ARFIP1: variants seen among roughly 807,000 people sequenced by gnomAD.
ARFIP1 encodes the protein ARF interacting protein 1, also known as arfaptin-1.
A neutral mutation model predicts 42.5 loss-of-function variants in ARFIP1; 24 were observed. That is an observed-to-expected ratio of 0.57 (90% CI 0.41 to 0.80). The LOEUF is 0.80. Ranked by LOEUF, ARFIP1 falls within the 30% of genes least tolerant of loss-of-function variation. ARFIP1 has a pLI of 0.00. For missense variants in ARFIP1, 354 were observed against 434.0 expected (o/e 0.82, Z 1.64); for synonymous variants, 141 against 153.7 (o/e 0.92, Z 0.61).
rs533299612 is a variant in ARFIP1 at position 152,820,248 on chromosome 4, G to A, written c.-9-9377G>A. On this transcript the variant is annotated intron_variant, in intron 1 of 8. Transcript: ENST00000353617. ...GCATTTACCCACCTGTCTTTGCTGC[G>A]GCCAGTTTTTACCCATGGGCACCTC... Among the ~76,000 whole-genome samples, 87 of 151,806 alleles carry A rather than the reference G, an allele frequency of 5.7e-4. 3 individuals are homozygous for A. The South Asian group carries it at 0.014, about 25-fold the overall frequency.
intron 1 of ARFIP1, among the ~76,000 whole-genome samples, chr4:152,794,025 T>G (rs375336439): frequency 1.3e-5 from 2 of 152,200 alleles, no homozygotes; most frequent in Non-Finnish European, 2.9e-5. Context: ...AAAAAACTTT[T>G]CATCTAATTT....
chr4:152,847,294 G>A (rs983875963), intron 2 of ARFIP1, among the ~76,000 whole-genome samples: 4 of 151,258 alleles, frequency 2.6e-5, no homozygotes, highest in African/African-American at 7.3e-5. Flanking sequence ...CACCACGCCC[G>A]GCTAATTTTT....
At chr4:152,878,793 TA>T (rs1735580130) in intron 5 of ARFIP1, among the ~76,000 whole-genome samples, 1 of 152,214 alleles carries the variant, frequency 6.6e-6, no homozygotes, top group African/African-American at 2.4e-5. Context: ...CTCACTGTGC[TA>T]AGAAACAATC....
At chr4:152,902,453 C>A (rs1480072992) in intron 8 of ARFIP1, among the ~76,000 whole-genome samples, 1 of 152,088 alleles carries the variant, frequency 6.6e-6, no homozygotes, top group African/African-American at 2.4e-5. Context: ...AGTGAGCTAT[C>A]ACTGTGTTGC....
At position 152,894,078 on chromosome 4, in the gene ARFIP1, C is replaced by T. The variant is rs142764905; in HGVS notation, c.966+5771C>T. ...ACTAAAAATACAAAAATTAGCCTAG[C>T]GTGCCCATAATTCCAGCTACTCCCA... On this transcript the variant is annotated intron_variant, in intron 8 of 8. Transcript: ENST00000353617. Among the ~76,000 whole-genome samples, 367 of 151,766 alleles carry T rather than the reference C, an allele frequency of 2.4e-3. 2 individuals carry two copies. Among genetic ancestry groups the T allele is most frequent in the African/African-American group, 8.3e-3 (343 of 41,400 alleles).
At chr4:152,780,975 AC>A (rs1730452262) in intron 1 of ARFIP1, among the ~76,000 whole-genome samples, 1 of 151,766 alleles carries the variant, frequency 6.6e-6, no homozygotes, top group African/African-American at 2.4e-5. Context: ...TCCTTTGGCC[AC>A]TCTTAGGATT....
rs1222645601 is a variant in ARFIP1 at position 152,853,928 on chromosome 4, T to TG, written c.94-9677dup. Among the ~76,000 whole-genome samples the TG allele has an allele frequency of 2.7e-3, 393 of 144,110 alleles. 1 individual carries two copies. The highest frequency in any genetic ancestry group is 9.1e-3 in the African/African-American group (354 of 38,812). 94.5% of individuals were successfully genotyped at this position (144,110 alleles called of 152,430 possible). A position where few individuals can be genotyped will look rare whatever the true frequency, so the allele number is the denominator to read the frequency against. On this transcript the variant is annotated intron_variant, in intron 2 of 8. Transcript: ENST00000353617. ...TTCTTTTTTTTTTTTTTTTTTTTTT[T>TG]GAGACTGAGTCTCACTCTATCACCC...
At chr4:152,807,349 A>G (rs1052173630) in intron 1 of ARFIP1, 1 of 152,198 alleles carries the variant, frequency 6.6e-6, no homozygotes, top group Non-Finnish European at 1.5e-5. Flanking sequence ...AAATTGCTAA[A>G]CAGTTGTCCA....
In ARFIP1 at chr4:152,791,718, A is replaced by C. The variant is rs1214329310; in HGVS notation, c.-10+11492A>C. ...ACCTCAGGGCTATTTTGGGACCTAC[A>C]AATAAGTATGACCACCAGCTGCTTC... On this transcript the variant is annotated intron_variant, in intron 1 of 8. Transcript: ENST00000353617. 3.3e-5 allele frequency among the ~76,000 whole-genome samples: 5 copies of C among 152,308 alleles called. No individual in the cohort carries two copies. In the South Asian group the frequency reaches 8.3e-4, roughly 25 times the overall value.
chr4:152,826,378 A>T (rs1207454153), intron 1 of ARFIP1, among the ~76,000 whole-genome samples: 2 of 152,150 alleles, frequency 1.3e-5, no homozygotes, highest in East Asian at 3.9e-4. Context: ...GAATCAAAAA[A>T]CCAGATACCA....
At chr4:152,866,024 C>T (rs991454162) in intron 3 of ARFIP1, among the ~76,000 whole-genome samples, 8 of 152,042 alleles carry the variant, frequency 5.3e-5, no homozygotes, top group Middle Eastern at 6.8e-3. Context: ...CGGCCTTCCG[C>T]AGTGTTTGTG....
At chr4:152,861,482 G>A (rs1256385994) in intron 2 of ARFIP1, among the ~76,000 whole-genome samples, 2 of 152,176 alleles carry the variant, frequency 1.3e-5, no homozygotes, top group African/African-American at 2.4e-5. Context: ...ATTAAGGGTT[G>A]CTTATACATT....
intron 8 of ARFIP1, among the ~76,000 whole-genome samples, chr4:152,904,091 G>T (rs944946391): frequency 2.7e-5 from 4 of 150,610 alleles, no homozygotes; most frequent in Admixed American, 1.3e-4. Flanking sequence ...ACACGTGCAG[G>T]ATGTGCAGGT....
At chr4:152,817,150 A>T (rs1729959367) in intron 1 of ARFIP1, among the ~76,000 whole-genome samples, 1 of 152,254 alleles carries the variant, frequency 6.6e-6, no homozygotes, top group Non-Finnish European at 1.5e-5. Flanking sequence ...GAAGTAGAAC[A>T]TAATAGCGTA....
In ARFIP1 at chr4:152,880,072, C is replaced by T. The variant is rs192368733; in HGVS notation, c.412-891C>T. Among the ~76,000 whole-genome samples the T allele has an allele frequency of 1.0e-3, 157 of 151,002 alleles. 1 individual carries two copies. The highest frequency in any genetic ancestry group is 7.8e-3 in the Admixed American group (118 of 15,184). On this transcript the variant is annotated intron_variant, in intron 5 of 8. Coordinates refer to ENST00000353617, the MANE Select transcript of ARFIP1 (RefSeq NM_001025595.3). ...TTACAGGTTTCTAGGCTGAGCACAA[C>T]GGCTCACGCCTGTAATCCCAGCACT...
At chr4:152,812,576 G>A (rs1729555507) in intron 1 of ARFIP1, among the ~76,000 whole-genome samples, 1 of 152,120 alleles carries the variant, frequency 6.6e-6, no homozygotes, top group African/African-American at 2.4e-5. Context: ...CATCCCTAAA[G>A]TGATGATTTC....
At chr4:152,889,654 GTATA>G (rs1410998248) in intron 8 of ARFIP1, among the ~76,000 whole-genome samples, 1 of 122,336 alleles carries the variant, frequency 8.2e-6, no homozygotes, top group Non-Finnish European at 1.6e-5. Flanking sequence ...ACTATATATA[GTATA>G]TATACACTAA....
At chr4:152,899,173 T>G (rs1237534644) in intron 8 of ARFIP1, among the ~76,000 whole-genome samples, 3 of 152,202 alleles carry the variant, frequency 2.0e-5, no homozygotes, top group Non-Finnish European at 2.9e-5. Flanking sequence ...CCCTTTTTTT[T>G]GGATTTCATA....
chr4:152,825,613 C>T (rs150314557), intron 1 of ARFIP1, among the ~76,000 whole-genome samples: 1 of 152,212 alleles, frequency 6.6e-6, no homozygotes. Flanking sequence ...AAAAACTCTT[C>T]TGGACATTGG....
Sources: gnomAD v4.1 joint callset for allele counts (sites outside exome capture counted in the v4.1 genomes callset) on GRCh38, gnomAD v4.1.1 for gene constraint, MANE v1.5 for transcripts, NCBI Gene and HGNC (gene_info 2026-07-23, HGNC 2026-07-21) for gene names.